The following SPMIP4 variants were observed in gnomAD, a reference collection of about 807,000 sequenced individuals.
The protein encoded by SPMIP4 is sperm-associated microtubule inner protein 4.
chr7:25,161,273 A>T, the SPMIP4 span: 1 of 1,403,986 alleles, frequency 7.1e-7, no homozygotes, highest in Non-Finnish European at 9.8e-7. Flanking sequence ...GAAAAGAAAG[A>T]AAAGATTAAA....
At chr7:25,147,532 C>T in the SPMIP4 span, among the ~76,000 whole-genome samples, 3 of 151,992 alleles carry the variant, frequency 2.0e-5, no homozygotes, top group Admixed American at 6.6e-5. Context: ...GGGAAAGGGG[C>T]GTCTGATCTC....
the SPMIP4 span, among the ~76,000 whole-genome samples, chr7:25,146,870 G>A: frequency 6.6e-6 from 1 of 152,102 alleles, no homozygotes; most frequent in Non-Finnish European, 1.5e-5. Context: ...TGATTACAAG[G>A]TAGATTACAT....
chr7:25,126,783 T>C, the SPMIP4 span, among the ~76,000 whole-genome samples: 3 of 152,368 alleles, frequency 2.0e-5, no homozygotes, highest in East Asian at 5.8e-4. Context: ...TAGTGAGTTT[T>C]GTACCTTCAG....
At chr7:25,142,178 C>T in the SPMIP4 span, 1 of 1,234,594 alleles carries the variant, frequency 8.1e-7, no homozygotes, top group Non-Finnish European at 1.2e-6. Flanking sequence ...CAAAAAGTGG[C>T]AAAGCAAGAA....
the SPMIP4 span, among the ~76,000 whole-genome samples, chr7:25,165,889 C>G: frequency 3.3e-5 from 5 of 152,062 alleles, no homozygotes; most frequent in Admixed American, 6.6e-5. Context: ...TTTACAATAC[C>G]CTCTCTACAT....
the SPMIP4 span, among the ~76,000 whole-genome samples, chr7:25,177,659 T>C: frequency 2.0e-5 from 3 of 152,376 alleles, no homozygotes; most frequent in South Asian, 6.2e-4. Flanking sequence ...TGTGTGTATC[T>C]GTTATTTCAT....
the SPMIP4 span, among the ~76,000 whole-genome samples, chr7:25,148,171 G>A: frequency 1.3e-5 from 2 of 152,216 alleles, no homozygotes; most frequent in Admixed American, 1.3e-4. Flanking sequence ...TCCATTCTCA[G>A]AGAATGATGT....
chr7:25,128,322 G>A, the SPMIP4 span, among the ~76,000 whole-genome samples: 3 of 152,240 alleles, frequency 2.0e-5, no homozygotes, highest in South Asian at 6.2e-4. The surrounding 1 kb of genome is among the most constrained non-coding windows in gnomAD (Gnocchi z 4.5). Flanking sequence ...GTCCAGAGAT[G>A]CTGTCTGGAA....
chr7:25,140,195 A>G, the SPMIP4 span, among the ~76,000 whole-genome samples: 1 of 152,214 alleles, frequency 6.6e-6, no homozygotes, highest in Non-Finnish European at 1.5e-5. Flanking sequence ...CCTTCAGTGA[A>G]TGATAAAACA....
the SPMIP4 span, among the ~76,000 whole-genome samples, chr7:25,154,164 G>A: frequency 6.6e-6 from 1 of 152,166 alleles, no homozygotes; most frequent in Non-Finnish European, 1.5e-5. Context: ...AAACGTTACT[G>A]TCTGCTAATA....
At chr7:25,155,027 T>C in the SPMIP4 span, 3 of 1,613,806 alleles carry the variant, frequency 1.9e-6, no homozygotes, top group Non-Finnish European at 2.5e-6. Flanking sequence ...TCTTCAAAAC[T>C]GTTGAATCAT....
At chr7:25,175,653 G>A in the SPMIP4 span, among the ~76,000 whole-genome samples, 4 of 152,168 alleles carry the variant, frequency 2.6e-5, no homozygotes, top group African/African-American at 7.2e-5. Context: ...GAGTGCAAAC[G>A]TATGCTAGGG....
the SPMIP4 span, among the ~76,000 whole-genome samples, chr7:25,156,289 G>A: frequency 6.6e-6 from 1 of 152,094 alleles, no homozygotes; most frequent in Non-Finnish European, 1.5e-5. Flanking sequence ...ACAGTCCTCA[G>A]AAGGAACCAA....
chr7:25,168,490 G>C, the SPMIP4 span: 1 of 1,555,316 alleles, frequency 6.4e-7, no homozygotes, highest in Non-Finnish European at 8.6e-7. Context: ...AGACTTCAAA[G>C]AGCCTCAGCA....
the SPMIP4 span, among the ~76,000 whole-genome samples, chr7:25,158,162 G>A: frequency 6.6e-6 from 1 of 151,902 alleles, no homozygotes; most frequent in African/African-American, 2.4e-5. Flanking sequence ...GAGCCCAGGG[G>A]TTCAAGACCA....
chr7:25,158,108 C>T, the SPMIP4 span, among the ~76,000 whole-genome samples: 1 of 152,212 alleles, frequency 6.6e-6, no homozygotes, highest in Non-Finnish European at 1.5e-5. Context: ...GTGGCTCACG[C>T]CTGTGATCCA....
chr7:25,134,621 C>T, the SPMIP4 span: 1 of 945,642 alleles, frequency 1.1e-6, no homozygotes, highest in African/African-American at 1.8e-5. Context: ...AATTTCCATG[C>T]AACCCAGGGA....
chr7:25,145,642 C>A, the SPMIP4 span, among the ~76,000 whole-genome samples: 3 of 152,184 alleles, frequency 2.0e-5, no homozygotes. Flanking sequence ...ATGTTAGTTT[C>A]TAGACAGACA....
At chr7:25,136,304 G>A in the SPMIP4 span, 1 of 1,614,118 alleles carries the variant, frequency 6.2e-7, no homozygotes. The surrounding 1 kb of genome is among the most constrained non-coding windows in gnomAD (Gnocchi z 5.7). Flanking sequence ...AGGCTAACAG[G>A]GTCTGGACAC....
Sources: allele counts gnomAD v4.1 joint callset (sites outside exome capture counted in the v4.1 genomes callset), GRCh38; gene constraint gnomAD v4.1.1; non-coding constraint Gnocchi (gnomAD v3.1); transcripts MANE v1.5; gene names NCBI Gene and HGNC (gene_info 2026-07-23, HGNC 2026-07-21).